NME7: variants seen among roughly 807,000 people sequenced by gnomAD.
The protein encoded by NME7 is NME/NM23 family member 7, also known as nucleoside diphosphate kinase 7.
In NME7, 41 loss-of-function variants were observed where a neutral mutation model predicts 49.1. That is an observed-to-expected ratio of 0.83 (90% CI 0.65 to 1.08). The LOEUF (loss-of-function observed/expected upper bound fraction) is 1.08. NME7 is among the 50% of genes least tolerant of loss of function. NME7 has a pLI of 0.00. For missense variants in NME7, 423 were observed against 463.4 expected (o/e 0.91, Z 0.80); for synonymous variants, 139 against 150.6 (o/e 0.92, Z 0.56).
intron 10 of NME7, among the ~76,000 whole-genome samples, chr1:169,214,560 T>C (rs1242800525): frequency 6.6e-6 from 1 of 152,256 alleles, no homozygotes; most frequent in Non-Finnish European, 1.5e-5. Flanking sequence ...CTTCTTAGGA[T>C]AACTTTATTT....
At chr1:169,308,614 T>C (rs1651270494) in intron 4 of NME7, among the ~76,000 whole-genome samples, 1 of 152,164 alleles carries the variant, frequency 6.6e-6, no homozygotes, top group Non-Finnish European at 1.5e-5. Context: ...GGAAATTTTT[T>C]AAAAACAAAT....
rs148401344 is a variant in NME7, at chr1:169,281,290, G to C, written c.754+6013C>G. On this transcript the variant is annotated intron_variant, in intron 7 of 11. Transcript: ENST00000367811. Reference sequence around the variant, plus strand: ...GTGTGTAAGAATGCTTGTAATTTTTGCATACTGATTTTGTATCCTGAGACT... The same window carrying C: ...GTGTGTAAGAATGCTTGTAATTTTTCCATACTGATTTTGTATCCTGAGACT... Among the ~76,000 whole-genome samples the C allele has an allele frequency of 2.2e-4, 33 of 152,214 alleles. No individual in the cohort carries two copies. In the East Asian group the frequency reaches 6.4e-3, roughly 29 times the overall value.
At chr1:169,143,657 A>G (rs1465134958) in intron 11 of NME7, among the ~76,000 whole-genome samples, 1 of 152,150 alleles carries the variant, frequency 6.6e-6, no homozygotes, top group Non-Finnish European at 1.5e-5. Context: ...AGTGCTTACC[A>G]ATTTCTGGTG....
chr1:169,303,075 C>A, intron 5 of NME7, 70 bp downstream of exon 5: 1 of 1,031,328 alleles, frequency 9.7e-7, no homozygotes, highest in Non-Finnish European at 1.5e-6. Context: ...ATAAATTTTA[C>A]AAATGTAACT....
intron 7 of NME7, among the ~76,000 whole-genome samples, chr1:169,263,820 G>A (rs1649234954): frequency 7.6e-6 from 1 of 131,738 alleles, no homozygotes; most frequent in Non-Finnish European, 1.8e-5. Context: ...AGTTCAAAAT[G>A]AAAGAAAAAA....
At chr1:169,219,278 A>T (rs550646866) in intron 10 of NME7, among the ~76,000 whole-genome samples, 66 of 152,300 alleles carry the variant, frequency 4.3e-4, no homozygotes, top group African/African-American at 1.6e-3. Context: ...TTGGAAAAAT[A>T]AAAAAATTGT....
chr1:169,259,236 C>T (rs1571335296), intron 7 of NME7, among the ~76,000 whole-genome samples: 1 of 132,748 alleles, frequency 7.5e-6, no homozygotes, highest in African/African-American at 2.5e-5. Context: ...CTATATATGC[C>T]TCCCAATCAT....
intron 11 of NME7, among the ~76,000 whole-genome samples, chr1:169,136,301 T>C (rs933218790): frequency 2.6e-5 from 4 of 152,230 alleles, no homozygotes; most frequent in Admixed American, 6.5e-5. Flanking sequence ...TTGGAGCCTC[T>C]AGACAGCAAG....
intron 11 of NME7, among the ~76,000 whole-genome samples, chr1:169,168,520 C>T (rs1659480050): frequency 6.6e-6 from 1 of 152,162 alleles, no homozygotes; most frequent in African/African-American, 2.4e-5. Flanking sequence ...TGGCCTTGAA[C>T]TCCTGGCTTC....
At chr1:169,243,663 G>A (rs61808870) in intron 7 of NME7, among the ~76,000 whole-genome samples, 36,703 of 152,066 alleles carry the variant, frequency 0.24, 5,462 homozygotes, top group Non-Finnish European at 0.34. Context: ...ACAGTGAGAA[G>A]GTGTCATCTA....
intron 3 of NME7, chr1:169,322,317 T>G (rs1343900574): frequency 6.6e-6 from 1 of 152,130 alleles, no homozygotes; most frequent in Non-Finnish European, 1.5e-5. Flanking sequence ...CAGGGACACA[T>G]GTGGAGGCAC....
At chr1:169,293,417 C>T (rs1650588969) in intron 6 of NME7, among the ~76,000 whole-genome samples, 1 of 152,010 alleles carries the variant, frequency 6.6e-6, no homozygotes. Context: ...TTACACTTTT[C>T]CATATAAAAT....
intron 7 of NME7, chr1:169,285,930 A>T (rs1312115853): frequency 1.3e-5 from 2 of 152,206 alleles, no homozygotes; most frequent in African/African-American, 4.8e-5. Context: ...AGAGGAAAAG[A>T]TTAGAGATAT....
At chr1:169,361,594 A>C (rs1653655040) in intron 1 of NME7, among the ~76,000 whole-genome samples, 1 of 152,166 alleles carries the variant, frequency 6.6e-6, no homozygotes, top group African/African-American at 2.4e-5. Flanking sequence ...AGCCTGGCCA[A>C]AATGGCGAAA....
intron 11 of NME7, among the ~76,000 whole-genome samples, chr1:169,141,182 G>A (rs1270302487): frequency 6.6e-6 from 1 of 152,138 alleles, no homozygotes; most frequent in Non-Finnish European, 1.5e-5. Context: ...GTTAGTCAAA[G>A]TAGGTGCCTC....
At chr1:169,342,866 TACATATATATA>T (rs1652804344) in intron 1 of NME7, among the ~76,000 whole-genome samples, 1 of 90,172 alleles carries the variant, frequency 1.1e-5, no homozygotes, top group Non-Finnish European at 2.4e-5. Flanking sequence ...TATATACAAG[TACATATATATA>T]GTATATATAC....
intron 11 of NME7, among the ~76,000 whole-genome samples, chr1:169,133,377 A>T (rs1036772668): frequency 4.6e-5 from 7 of 152,240 alleles, no homozygotes; most frequent in Non-Finnish European, 7.3e-5. Flanking sequence ...AAGCCTGTGC[A>T]GGCAGAGGAG....
At chr1:169,317,307 CAT>C (rs976660175) in intron 3 of NME7, among the ~76,000 whole-genome samples, 13 of 152,142 alleles carry the variant, frequency 8.5e-5, no homozygotes, top group African/African-American at 3.1e-4. Flanking sequence ...GACCAAGGAC[CAT>C]ATGACTGAGA....
At chr1:169,158,848 C>T (rs1659159977) in intron 11 of NME7, among the ~76,000 whole-genome samples, 1 of 152,060 alleles carries the variant, frequency 6.6e-6, no homozygotes, top group South Asian at 2.1e-4. Context: ...CACATAAGAA[C>T]CACTGCACTA....
Sources: gnomAD v4.1 joint callset for allele counts (sites outside exome capture counted in the v4.1 genomes callset) on GRCh38, gnomAD v4.1.1 for gene constraint, MANE v1.5 for transcripts, NCBI Gene and HGNC (gene_info 2026-07-23, HGNC 2026-07-21) for gene names.